Variants in ABCE1 observed in about 807,000 individuals in gnomAD.
ABCE1 encodes the protein ATP binding cassette subfamily E member 1, also known as ATP-binding cassette sub-family E member 1.
A neutral mutation model predicts 83.4 loss-of-function variants in ABCE1; 22 were observed. The ratio of observed to expected loss-of-function variants is 0.26; its 90% confidence interval spans 0.19 to 0.38. The LOEUF (loss-of-function observed/expected upper bound fraction) is 0.38. ABCE1 is among the 10% of genes least tolerant of loss of function. ABCE1 has a pLI of 1.00. For synonymous variants in ABCE1, 204 were observed against 233.7 expected (o/e 0.87, Z 1.16); for missense variants, 330 against 721.9 (o/e 0.46, Z 6.22).
At chr4:145,112,406 C>G (rs1288840368) in intron 9 of ABCE1, 78 bp downstream of exon 9, 35 of 963,682 alleles carry the variant, frequency 3.6e-5, no homozygotes, top group Non-Finnish European at 5.5e-5. Flanking sequence ...AACACTGGGA[C>G]TGTCAATGTG....
At chr4:145,108,761 TGA>T (rs1749380624) in intron 4 of ABCE1, among the ~76,000 whole-genome samples, 1 of 152,232 alleles carries the variant, frequency 6.6e-6, no homozygotes, top group Non-Finnish European at 1.5e-5. Context: ...AAAGACATTG[TGA>T]GGTTGCACCT....
Position 145,104,429 on chromosome 4 carries a change from C to T in ABCE1, c.17C>T (p.Thr6Met). ...CGCCCAGTTATGGCAGACAAGTTAA[C>T]GAGAATTGCTATTGTCAACCATGAC... Reference protein sequence around the residue: MADKLTRIAIVNHDKC... With the variant: MADKLMRIAIVNHDKC... The change falls in exon 2 of 18, where the codon ACG becomes ATG. Residue 6 changes from threonine (T) to methionine (M), a missense_variant. Thr to Met is a moderately conservative substitution (Grantham distance 81). Coordinates refer to ENST00000296577, the MANE Select transcript of ABCE1 (RefSeq NM_002940.3). 1 of 1,599,264 alleles carries T rather than the reference C, an allele frequency of 6.3e-7. No homozygotes were observed. Among genetic ancestry groups the T allele is most frequent in the Non-Finnish European group, 8.5e-7 (1 of 1,173,468 alleles).
At chr4:145,103,950 A>G (rs1749225468) in intron 1 of ABCE1, among the ~76,000 whole-genome samples, 1 of 151,662 alleles carries the variant, frequency 6.6e-6, no homozygotes, top group Non-Finnish European at 1.5e-5. Context: ...GTTTTTTCTC[A>G]TGAGATTGAA....
intron 9 of ABCE1, among the ~76,000 whole-genome samples, chr4:145,114,861 A>G (rs559916314): frequency 7.9e-5 from 12 of 151,722 alleles, no homozygotes; most frequent in Admixed American, 1.3e-4. Flanking sequence ...CTATGTAGTG[A>G]TAGATTGATG....
In ABCE1 at chr4:145,110,051, T is replaced by G. The variant is rs370360581; in HGVS notation, c.406-52T>G. 59 of 1,439,822 alleles carry G rather than the reference T, an allele frequency of 4.1e-5. 1 individual carries two copies. The highest frequency in any genetic ancestry group is 3.3e-4 in the East Asian group (14 of 42,734). The allele number at this position is 1,439,822 out of a possible 1,614,324, so 89.2% of individuals were successfully genotyped here. A position where few individuals can be genotyped will look rare whatever the true frequency, so the allele number is the denominator to read the frequency against. On this transcript the variant is annotated intron_variant, in intron 5 of 17. Coordinates refer to ENST00000296577, the MANE Select transcript of ABCE1 (RefSeq NM_002940.3). The stretch of plus-strand genomic sequence containing the variant: ...TATTTCCTGTAGCATTCATCCTCTT[T>G]GTCATTGTATTATTAAATTCACATG...
chr4:145,113,217 C>T (rs1458911988), intron 9 of ABCE1, among the ~76,000 whole-genome samples: 1 of 152,168 alleles, frequency 6.6e-6, no homozygotes, highest in Non-Finnish European at 1.5e-5. Flanking sequence ...CCAGGACTCT[C>T]AAAGGACTGC....
In ABCE1 at chr4:145,129,316, A is replaced by G. The variant is rs1323899313; in HGVS notation, c.*1743A>G. The G allele has an allele frequency of 2.6e-5, 4 of 152,166 alleles. No individual in the cohort carries two copies. The highest frequency in any genetic ancestry group is 7.2e-5 in the African/African-American group (3 of 41,440). 9.4% of individuals were successfully genotyped at this position (152,166 alleles called of 1,614,324 possible). On this transcript the variant is annotated 3_prime_UTR_variant, in exon 18 of 18. Transcript: ENST00000296577. The stretch of plus-strand genomic sequence containing the variant: ...CTTAAAATTTTACATAGCAACAGAA[A>G]GGCCTACAATTGCTAACACAAGAAA...
At chr4:145,111,442 G>A (rs1170147392) in intron 8 of ABCE1, among the ~76,000 whole-genome samples, 3 of 152,162 alleles carry the variant, frequency 2.0e-5, no homozygotes, top group East Asian at 1.9e-4. Context: ...TCCTGCCTCA[G>A]CCTCCTGAGT....
chr4:145,109,480 A>T (rs59601167), intron 5 of ABCE1, among the ~76,000 whole-genome samples: 84 of 152,290 alleles, frequency 5.5e-4, no homozygotes, highest in African/African-American at 2.0e-3. Flanking sequence ...ATTCTGCTTG[A>T]TTCTGCTGTA....
At chr4:145,108,152 G>T (rs769760020) in intron 4 of ABCE1, 40 bp downstream of exon 4, 1 of 1,562,250 alleles carries the variant, frequency 6.4e-7, no homozygotes, top group Admixed American at 1.7e-5. Flanking sequence ...GTCAAGTTAA[G>T]AGTAAAATAC....
intron 13 of ABCE1, chr4:145,122,024 A>G (rs1432794154): frequency 6.6e-6 from 1 of 152,270 alleles, no homozygotes; most frequent in African/African-American, 2.4e-5. Context: ...CATATATCCA[A>G]TAAAGGACTT....
intron 9 of ABCE1, 113 bp from the exon 10 acceptor site, chr4:145,117,180 G>T: frequency 1.2e-6 from 1 of 856,608 alleles, no homozygotes. Flanking sequence ...TATGGCTTTT[G>T]CTTCTTATGT....
intron 8 of ABCE1, among the ~76,000 whole-genome samples, chr4:145,111,440 C>A (rs1455478662): frequency 6.6e-6 from 1 of 152,202 alleles, no homozygotes; most frequent in Non-Finnish European, 1.5e-5. Context: ...TCTCCTGCCT[C>A]AGCCTCCTGA....
rs1417337734 is a variant in ABCE1 at position 145,120,812 on chromosome 4, A to G, written c.1145-362A>G. On this transcript the variant is annotated intron_variant, in intron 11 of 17. Transcript: ENST00000296577. ...TTAATTTAAATATTTTATATAAGTA[A>G]ACTTTAAAATTACAGTTATCTTTCA... Among the ~76,000 whole-genome samples, 3 of 152,242 alleles carry G rather than the reference A, an allele frequency of 2.0e-5. No homozygotes were observed. In the East Asian group the frequency reaches 5.8e-4, roughly 29 times the overall value.
At chr4:145,108,198 G>A in intron 4 of ABCE1, 86 bp downstream of exon 4, 3 of 1,176,864 alleles carry the variant, frequency 2.5e-6, no homozygotes, top group East Asian at 4.7e-5. Context: ...AAATTGGGGG[G>A]AAATGCTATT....
At chr4:145,103,239 G>T (rs1448633677) in intron 1 of ABCE1, among the ~76,000 whole-genome samples, 1 of 151,986 alleles carries the variant, frequency 6.6e-6, no homozygotes, top group Non-Finnish European at 1.5e-5. Context: ...AAGGGAAGCA[G>T]TCTATTAAAA....
At chr4:145,112,386 C>T (rs774234829) in intron 9 of ABCE1, 58 bp downstream of exon 9, 70 of 1,218,504 alleles carry the variant, frequency 5.7e-5, no homozygotes, top group Admixed American at 5.7e-4. Context: ...TTACAGATTT[C>T]TAAGGATTAA....
intron 1 of ABCE1, among the ~76,000 whole-genome samples, chr4:145,099,152 A>T (rs1025948701): frequency 4.6e-5 from 7 of 152,146 alleles, no homozygotes; most frequent in Admixed American, 2.6e-4. Context: ...GAATACCTTT[A>T]TTATCTCTTC....
At chr4:145,115,338 A>G (rs984021114) in intron 9 of ABCE1, among the ~76,000 whole-genome samples, 4 of 151,956 alleles carry the variant, frequency 2.6e-5, no homozygotes, top group African/African-American at 7.2e-5. Flanking sequence ...GTTTAAGGAA[A>G]CATAGGATTT....
Sources: allele counts gnomAD v4.1 joint callset (sites outside exome capture counted in the v4.1 genomes callset), GRCh38; gene constraint gnomAD v4.1.1; transcripts MANE v1.5; gene names NCBI Gene and HGNC (gene_info 2026-07-23, HGNC 2026-07-21).